DCHS2: variants seen among roughly 807,000 people sequenced by gnomAD.
The protein encoded by DCHS2 is dachsous cadherin-related 2.
DCHS2 carries 142 observed loss-of-function variants against 182.4 expected under a neutral mutation model. The observed-to-expected ratio is 0.78, with a 90% CI of 0.68 to 0.89. The LOEUF is 0.89. Among genes scored for constraint, DCHS2 ranks in the 40% least tolerant of loss-of-function variants. The pLI is 0.00. For missense variants in DCHS2, 4,319 were observed against 4,198.6 expected (o/e 1.03, Z -0.79); for synonymous variants, 1,740 against 1,663.3 (o/e 1.05, Z -1.12).
In DCHS2 at chr4:154,320,846, C is replaced by A; in HGVS notation, c.4553G>T (p.Ser1518Ile). ...PSFQDELIVISVEENVPIGTL... is the reference protein window; with the variant it reads ...PSFQDELIVIIVEENVPIGTL... Reference sequence around the variant, plus strand: ...TCCTATGGGAACATTCTCCTCTACACTGATCACAATGAGCTCATCCTGGAA... The same window carrying A: ...TCCTATGGGAACATTCTCCTCTACAATGATCACAATGAGCTCATCCTGGAA... Residue 1518 changes from serine (S) to isoleucine (I), a missense_variant, in exon 9 of 20, where the codon AGT (serine) becomes ATT (isoleucine). Ser to Ile is a moderately radical substitution (Grantham distance 142). Coordinates refer to ENST00000357232, the MANE Select transcript of DCHS2 (RefSeq NM_001358235.2). The A allele has an allele frequency of 6.2e-7, 1 of 1,614,106 alleles. No homozygotes were observed. The highest frequency in any genetic ancestry group is 8.5e-7 in the Non-Finnish European group (1 of 1,179,998).
intron 1 of DCHS2, among the ~76,000 whole-genome samples, chr4:154,455,111 C>G (rs1301638775): frequency 1.3e-5 from 2 of 152,234 alleles, no homozygotes; most frequent in Admixed American, 6.5e-5. Flanking sequence ...GTAGTAAACA[C>G]TCCTTCACAA....
chr4:154,315,627 A>G, intron 10 of DCHS2, 121 bp downstream of exon 10: 1 of 1,424,674 alleles, frequency 7.0e-7, no homozygotes, highest in Admixed American at 2.5e-5. Flanking sequence ...GAAGTATTAC[A>G]AATTTGAGAT....
chr4:154,409,276 C>G lies in DCHS2; in HGVS notation c.2053-31832G>C, dbSNP rs115278065. On this transcript the variant is annotated intron_variant, in intron 1 of 19. Coordinates refer to ENST00000357232, the MANE Select transcript of DCHS2 (RefSeq NM_001358235.2). ...ATGCTCCACCATTCCAGAGTCCTTG[C>G]TGCTGCCATACTTGACCCCACAGAA... 2.7e-3 allele frequency among the ~76,000 whole-genome samples: 418 copies of G among 152,248 alleles called. 1 individual carries two copies. Among genetic ancestry groups the G allele is most frequent in the African/African-American group, 9.7e-3 (402 of 41,538 alleles).
intron 9 of DCHS2, 25 bp downstream of exon 9, chr4:154,320,354 A>T: frequency 6.3e-7 from 1 of 1,576,468 alleles, no homozygotes; most frequent in Non-Finnish European, 8.6e-7. Flanking sequence ...AAATATTTTT[A>T]AAAGTGACAT....
intron 11 of DCHS2, 42 bp from the exon 12 acceptor site, chr4:154,304,920 T>G (rs1015100664): frequency 1.3e-6 from 2 of 1,558,356 alleles, no homozygotes; most frequent in Admixed American, 2.0e-5. Flanking sequence ...TGGCCTTTGA[T>G]TCATACCTAA....
chr4:154,236,242 A>G lies in DCHS2; in HGVS notation c.8410T>C (p.Leu2804=), dbSNP rs1426335617. The G allele has an allele frequency of 2.5e-6, 4 of 1,614,066 alleles. No homozygotes were observed. The Admixed American group carries it at 5.0e-5, about 20-fold the overall frequency. The change falls in exon 20 of 20, where the codon TTG becomes CTG. Residue 2804 remains leucine, a synonymous_variant. Coordinates refer to ENST00000357232, the MANE Select transcript of DCHS2 (RefSeq NM_001358235.2). The part of the protein sequence containing the change: ...LDFDAGPYGE[L]TYSIVSPCFL... ...CAGGGTGATACAATAGAATAGGTCAATTCTCCATACGGACCAGCATCAAAA... is the reference window on the plus strand; with the variant it reads ...CAGGGTGATACAATAGAATAGGTCAGTTCTCCATACGGACCAGCATCAAAA...
At chr4:154,473,287 G>A (rs1186649525) in intron 1 of DCHS2, among the ~76,000 whole-genome samples, 1 of 152,192 alleles carries the variant, frequency 6.6e-6, no homozygotes, top group African/African-American at 2.4e-5. Context: ...CCCAGAGTTG[G>A]GGAGCACTTC....
chr4:154,272,920 G>T (rs1578892990), intron 13 of DCHS2, among the ~76,000 whole-genome samples: 1 of 151,956 alleles, frequency 6.6e-6, no homozygotes, highest in African/African-American at 2.4e-5. Flanking sequence ...ATCCATCTTT[G>T]GTCCTTGGCC....
At chr4:154,382,972 A>G (rs1319485639) in intron 1 of DCHS2, among the ~76,000 whole-genome samples, 1 of 152,192 alleles carries the variant, frequency 6.6e-6, no homozygotes, top group Non-Finnish European at 1.5e-5. Context: ...TTCGAACAAT[A>G]ATCCAATTAC....
intron 5 of DCHS2, chr4:154,331,705 C>T (rs1169978765): frequency 6.2e-7 from 1 of 1,611,632 alleles, no homozygotes; most frequent in Non-Finnish European, 8.5e-7. Context: ...ATAGATGGTG[C>T]CTGCTGGACC....
chr4:154,329,576 C>G lies in DCHS2; in HGVS notation c.3865G>C (p.Asp1289His), dbSNP rs1736430003. 1.2e-6 allele frequency: 2 copies of G among 1,613,558 alleles called. No homozygotes were observed. The highest frequency in any genetic ancestry group is 1.7e-6 in the Non-Finnish European group (2 of 1,179,938). Residue 1289 changes from aspartate to histidine, a missense_variant, in exon 6 of 20, where the codon GAT (aspartate) becomes CAT (histidine). By Grantham distance (81) the Asp-to-His change is moderately conservative (BLOSUM62 -1). Coordinates refer to ENST00000357232, the MANE Select transcript of DCHS2 (RefSeq NM_001358235.2). ...CACTGGGGGAAGAAGGGCCTGTTAT[C>G]ATTGATGTCAGTAACTGAGACGTAA... is the stretch of plus-strand genomic sequence containing the variant. ...AVYVSVTDIN[D>H]NRPFFPQCLP...
intron 2 of DCHS2, among the ~76,000 whole-genome samples, chr4:154,369,759 G>A (rs1270532974): frequency 1.3e-5 from 2 of 152,088 alleles, no homozygotes; most frequent in African/African-American, 4.8e-5. Context: ...GATTCATGTG[G>A]CATTTTTATT....
chr4:154,460,434 T>C (rs1206613691), intron 1 of DCHS2, among the ~76,000 whole-genome samples: 1 of 152,178 alleles, frequency 6.6e-6, no homozygotes, highest in African/African-American at 2.4e-5. Flanking sequence ...GTATGATCTG[T>C]TTGACCTCAG....
chr4:154,320,604 G>C lies in DCHS2; in HGVS notation c.4795C>G (p.Arg1599Gly). Residue 1599 changes from arginine (R) to glycine (G), a missense_variant, in exon 9 of 20, where the codon CGG becomes GGG. Transcript: ENST00000357232. The stretch of plus-strand genomic sequence containing the variant: ...TGTGCTGTCAGTGATCTCAGTCGCC[G>C]GTCTGTCACATTCACAGCCTGATCA... Reference protein sequence around the residue: ...ASDQAVNVTDRRLRSLTAQIV... With the variant: ...ASDQAVNVTDGRLRSLTAQIV... 1 of 1,614,044 alleles carries C rather than the reference G, an allele frequency of 6.2e-7. No homozygotes were observed. Among genetic ancestry groups the C allele is most frequent in the Non-Finnish European group, 8.5e-7 (1 of 1,180,016 alleles).
intron 1 of DCHS2, among the ~76,000 whole-genome samples, chr4:154,468,496 A>G (rs922355967): frequency 5.3e-5 from 8 of 152,098 alleles, no homozygotes; most frequent in Non-Finnish European, 1.2e-4. Flanking sequence ...ATTTATGAAT[A>G]TGTTCATTAA....
At chr4:154,271,660 T>G (rs984959656) in intron 13 of DCHS2, among the ~76,000 whole-genome samples, 3 of 152,168 alleles carry the variant, frequency 2.0e-5, no homozygotes, top group African/African-American at 7.2e-5. Flanking sequence ...CTTGTAATAT[T>G]TTATGTCCTT....
intron 9 of DCHS2, 26 bp from the exon 10 acceptor site, chr4:154,316,013 A>G: frequency 1.2e-6 from 2 of 1,611,922 alleles, no homozygotes; most frequent in South Asian, 1.1e-5. Context: ...AAGAAAAGCA[A>G]CATGTAATGA....
At chr4:154,359,267 G>A (rs879483669) in intron 3 of DCHS2, among the ~76,000 whole-genome samples, 4 of 151,760 alleles carry the variant, frequency 2.6e-5, no homozygotes, top group Non-Finnish European at 4.4e-5. Context: ...TTTAAATAGA[G>A]GAAACTGTTG....
rs1731253647 is a variant in DCHS2, at chr4:154,232,768, C to A, written c.*1768G>T. On this transcript the variant is annotated 3_prime_UTR_variant, in exon 20 of 20. Transcript: ENST00000357232. ...TACATAAGTCATGAAATCTTCTTCC[C>A]CAGATGCCAGGAAGAAAAGGAGAAA... 6.6e-6 allele frequency: 1 copy of A among 151,632 alleles called. No homozygotes were observed. The highest frequency in any genetic ancestry group is 3.2e-3 in the Middle Eastern group (1 of 314). 9.4% of individuals were successfully genotyped at this position (151,632 alleles called of 1,614,324 possible). A position where few individuals can be genotyped will look rare whatever the true frequency, so the allele number is the denominator to read the frequency against.
Sources: allele counts gnomAD v4.1 joint callset (sites outside exome capture counted in the v4.1 genomes callset), GRCh38; gene constraint gnomAD v4.1.1; transcripts MANE v1.5; gene names NCBI Gene and HGNC (gene_info 2026-07-23, HGNC 2026-07-21).